The following DRC1 variants were observed in gnomAD, a reference collection of about 807,000 sequenced individuals.
DRC1 encodes dynein regulatory complex subunit 1, also known as dynein regulatory complex protein 1.
In DRC1, 74 loss-of-function variants were observed where a neutral mutation model predicts 98.7. That is an observed-to-expected ratio of 0.75 (90% CI 0.62 to 0.91). The LOEUF (loss-of-function observed/expected upper bound fraction) is 0.91. Among genes scored for constraint, DRC1 ranks in the 40% least tolerant of loss-of-function variants. The pLI is 0.00. For synonymous variants in DRC1, 336 were observed against 334.1 expected, an observed-to-expected ratio of 1.01 and a Z score of -0.06; for missense variants, 875 against 886.0, an observed-to-expected ratio of 0.99 and a Z score of 0.16.
intron 11 of DRC1, 93 bp from the exon 12 acceptor site, chr2:26,449,903 T>C (rs1663955192): frequency 1.7e-6 from 2 of 1,148,504 alleles, no homozygotes; most frequent in Non-Finnish European, 2.5e-6. Flanking sequence ...CGTGGCATGG[T>C]CCCTGGAGTG....
At chr2:26,447,307 G>A (rs1208047407) in intron 10 of DRC1, among the ~76,000 whole-genome samples, 2 of 151,692 alleles carry the variant, frequency 1.3e-5, no homozygotes, top group Non-Finnish European at 2.9e-5. Context: ...CAGCTACTCA[G>A]GAGGCTGAGG....
Position 26,448,713 on chromosome 2 carries a change from C to G in DRC1, c.1419C>G (p.Ala473=). The G allele has an allele frequency of 6.2e-7, 1 of 1,614,166 alleles. No homozygotes were observed. The highest frequency in any genetic ancestry group is 1.1e-5 in the South Asian group (1 of 91,076). ...CAGAAGAGGAGGAGGCAGAAGAGGC[C>G]GCCGCGGAACCAGAGTCCTACCTGG... ...MRSEEEEAEE[A]AAEPESYLDL... is the part of the protein sequence containing the mutation. Residue 473 remains alanine (A), a synonymous_variant, in exon 11 of 17, where the codon GCC becomes GCG. Coordinates refer to ENST00000288710, the MANE Select transcript of DRC1 (RefSeq NM_145038.5).
At chr2:26,437,521 C>G (rs1663604234) in intron 7 of DRC1, among the ~76,000 whole-genome samples, 1 of 152,210 alleles carries the variant, frequency 6.6e-6, no homozygotes, top group African/African-American at 2.4e-5. Flanking sequence ...GAGGTGGGCA[C>G]TTGCACCCAT....
chr2:26,440,942 A>G (rs889927453), intron 8 of DRC1, among the ~76,000 whole-genome samples: 6 of 152,202 alleles, frequency 3.9e-5, no homozygotes, highest in Non-Finnish European at 7.3e-5. Context: ...TAGATGCACT[A>G]TGATTTATTT....
chr2:26,418,652 AAAT>A (rs1678921914), intron 2 of DRC1, among the ~76,000 whole-genome samples: 2 of 91,342 alleles, frequency 2.2e-5, no homozygotes, highest in African/African-American at 8.8e-5. Flanking sequence ...TATAATATAT[AAAT>A]TATATATTAT....
intron 4 of DRC1, among the ~76,000 whole-genome samples, chr2:26,428,587 A>G (rs1476635266): frequency 1.3e-5 from 2 of 152,214 alleles, no homozygotes; most frequent in African/African-American, 2.4e-5. Flanking sequence ...TCACGAGGTC[A>G]GGATATCGAG....
chr2:26,408,582 G>A (rs773458679), intron 1 of DRC1, among the ~76,000 whole-genome samples: 5 of 152,148 alleles, frequency 3.3e-5, no homozygotes, highest in African/African-American at 7.2e-5. Flanking sequence ...AGACCAGCCT[G>A]GCCAACATGG....
At chr2:26,446,426 C>G (rs1572381823) in intron 10 of DRC1, among the ~76,000 whole-genome samples, 1 of 152,062 alleles carries the variant, frequency 6.6e-6, no homozygotes, top group Non-Finnish European at 1.5e-5. Flanking sequence ...GCGCTGGGTG[C>G]TTATTGTTTT....
chr2:26,421,522 A>T, intron 3 of DRC1, 122 bp downstream of exon 3: 1 of 565,082 alleles, frequency 1.8e-6, no homozygotes. Context: ...CTGCCCTTAT[A>T]ACTTCTCCCT....
chr2:26,435,057 A>C (rs1308314674), intron 7 of DRC1, among the ~76,000 whole-genome samples: 1 of 152,150 alleles, frequency 6.6e-6, no homozygotes, highest in African/African-American at 2.4e-5. Context: ...AAATAGGCCC[A>C]GTGGGGTCTC....
chr2:26,405,745 C>G (rs1678402952), intron 1 of DRC1, among the ~76,000 whole-genome samples: 1 of 148,080 alleles, frequency 6.8e-6, no homozygotes, highest in Admixed American at 6.8e-5. Flanking sequence ...ACTGCAATCT[C>G]CACCTCCCAG....
At chr2:26,414,300 C>T (rs772404310) in intron 1 of DRC1, 44 bp from the exon 2 acceptor site, 100 of 1,595,920 alleles carry the variant, frequency 6.3e-5, no homozygotes, top group Admixed American at 1.0e-4. Flanking sequence ...ATAGAATTTA[C>T]GTATTAGAAA....
At chr2:26,417,719 A>C (rs1678856148) in intron 2 of DRC1, among the ~76,000 whole-genome samples, 1 of 152,204 alleles carries the variant, frequency 6.6e-6, no homozygotes, top group South Asian at 2.1e-4. Context: ...ATTGAATAGA[A>C]TTTATAATCC....
chr2:26,430,958 C>CTTTTTTTTTTT (rs5830013), intron 6 of DRC1, 86 bp downstream of exon 6: 21 of 344,834 alleles, frequency 6.1e-5, no homozygotes, highest in Non-Finnish European at 9.2e-5. Flanking sequence ...CTTTTTCTAT[C>CTTTTTTTTTTT]TTTTTTTTTT....
In DRC1 at chr2:26,430,904, T is replaced by TG. The variant is rs749896215; in HGVS notation, c.765+36dup. ...GGTGGAGCCTGTCAAGAGTGATCCG[T>TG]GGGGTCTGGGTGATTTTTATTGTGA... On this transcript the variant is annotated intron_variant, in intron 6 of 16. Transcript: ENST00000288710. 15 of 1,574,552 alleles carry TG rather than the reference T, an allele frequency of 9.5e-6. No homozygotes were observed. The Middle Eastern group carries it at 5.1e-4, about 54-fold the overall frequency.
intron 10 of DRC1, among the ~76,000 whole-genome samples, chr2:26,445,400 A>G (rs1663826802): frequency 6.6e-6 from 1 of 152,228 alleles, no homozygotes; most frequent in Non-Finnish European, 1.5e-5. Flanking sequence ...GATAGTCTGT[A>G]TATGAAAAGC....
intron 8 of DRC1, among the ~76,000 whole-genome samples, chr2:26,443,287 T>A (rs1446375752): frequency 1.3e-5 from 2 of 152,246 alleles, no homozygotes; most frequent in Non-Finnish European, 2.9e-5. Context: ...TGTAGTAGTT[T>A]GAAGTCTGAA....
chr2:26,422,186 A>G (rs895866590), intron 3 of DRC1, among the ~76,000 whole-genome samples: 2 of 152,190 alleles, frequency 1.3e-5, no homozygotes, highest in East Asian at 3.8e-4. Flanking sequence ...ACTTGAGCAG[A>G]GGTGTGAGAT....
At chr2:26,418,638 T>A (rs1362594690) in intron 2 of DRC1, among the ~76,000 whole-genome samples, 1 of 92,904 alleles carries the variant, frequency 1.1e-5, no homozygotes, top group East Asian at 2.4e-4. Flanking sequence ...TTATATATAA[T>A]TTATATAATA....
Sources: gnomAD v4.1 joint callset for allele counts (sites outside exome capture counted in the v4.1 genomes callset) on GRCh38, gnomAD v4.1.1 for gene constraint, MANE v1.5 for transcripts, NCBI Gene and HGNC (gene_info 2026-07-23, HGNC 2026-07-21) for gene names.